The following PTBP3 variants were observed in gnomAD, a reference collection of about 807,000 sequenced individuals.
PTBP3 encodes polypyrimidine tract-binding protein 3.
Under a neutral mutation model 58.7 loss-of-function variants are expected in PTBP3, and 20 were observed. The ratio of observed to expected loss-of-function variants is 0.34; its 90% confidence interval spans 0.24 to 0.50. The LOEUF is 0.50. Among genes scored for constraint, PTBP3 ranks in the 20% least tolerant of loss-of-function variants. PTBP3 has a pLI of 0.98. For missense variants in PTBP3, 509 were observed against 637.2 expected, an observed-to-expected ratio of 0.80 and a Z score of 2.17; for synonymous variants, 185 against 219.8, an observed-to-expected ratio of 0.84 and a Z score of 1.40.
intron 5 of PTBP3, among the ~76,000 whole-genome samples, chr9:112,254,021 G>GT (rs1836244935): frequency 6.6e-6 from 1 of 152,112 alleles, no homozygotes; most frequent in South Asian, 2.1e-4. Flanking sequence ...CCCTATGCTG[G>GT]TAAGATTTTG....
intron 3 of PTBP3, among the ~76,000 whole-genome samples, chr9:112,275,161 G>T (rs1176721457): frequency 6.7e-6 from 1 of 149,776 alleles, no homozygotes; most frequent in African/African-American, 2.5e-5. Flanking sequence ...GGTGAGATGA[G>T]ATTTACTCTT....
the PTBP3 span, among the ~76,000 whole-genome samples, chr9:112,348,547 C>T: frequency 2.0e-5 from 3 of 152,280 alleles, no homozygotes; most frequent in Non-Finnish European, 1.5e-5. Context: ...TAGCAAGCCA[C>T]TGCGCATGCG....
chr9:112,260,286 C>T (rs965408067), intron 5 of PTBP3, among the ~76,000 whole-genome samples: 4 of 152,028 alleles, frequency 2.6e-5, no homozygotes, highest in Non-Finnish European at 5.9e-5. Context: ...ATATAATCCT[C>T]GCAATAAAAA....
At chr9:112,228,594 G>T in intron 10 of PTBP3, 122 bp from the exon 11 acceptor site, 1 of 564,994 alleles carries the variant, frequency 1.8e-6, no homozygotes, top group Non-Finnish European at 3.0e-6. Context: ...ACATACACCT[G>T]CAAATTTTTA....
intron 9 of PTBP3, 117 bp downstream of exon 9, chr9:112,231,962 GAGAAGAGAGAAGAGAAGAGA>G (rs1356042514): frequency 1.5e-4 from 50 of 328,092 alleles, no homozygotes; most frequent in Admixed American, 8.1e-4. Flanking sequence ...GAGAAGAGAA[GAGAAGAGAGAAGAGAAGAGA>G]AGAGAAGAGA....
the PTBP3 span, among the ~76,000 whole-genome samples, chr9:112,347,334 G>T: frequency 7.2e-6 from 1 of 138,704 alleles, no homozygotes; most frequent in East Asian, 2.0e-4. Context: ...TATATGTACT[G>T]GGATACCTTT....
At position 112,333,122 on chromosome 9, in the gene PTBP3, T is replaced by TC. The variant is rs1228354592; in HGVS notation, c.-52+347dup. 3 of 1,252,424 alleles carry TC rather than the reference T, an allele frequency of 2.4e-6. No homozygotes were observed. In the African/African-American group the frequency reaches 4.7e-5, roughly 20 times the overall value. The allele number at this position is 1,252,424 out of a possible 1,614,324, so 77.6% of individuals were successfully genotyped here. The stretch of plus-strand genomic sequence containing the variant: ...GCGCACCATTTTCTGAGAGGAAGTG[T>TC]CGGGAGGCCGAGCTGGGCTCCCCGG... On this transcript the variant is annotated intron_variant, in intron 1 of 13. Coordinates refer to ENST00000374257, the MANE Select transcript of PTBP3 (RefSeq NM_001163788.4).
rs371795240 is a variant in PTBP3 at position 112,297,924 on chromosome 9, G to A, written c.-51-8C>T. 511 of 1,605,412 alleles carry A rather than the reference G, an allele frequency of 3.2e-4. No individual in the cohort carries two copies. Among genetic ancestry groups the A allele is most frequent in the Admixed American group, 3.9e-4 (23 of 58,276 alleles). On this transcript the variant is annotated splice_region_variant and splice_polypyrimidine_tract_variant and intron_variant, in intron 1 of 13. Transcript: ENST00000374257. ...AAGCTCATCAGATCCCCGCTGAAAA[G>A]CAAAACCAATGTTTGGTTAATAAAC...
chr9:112,232,409 T>C (rs1422951333), intron 8 of PTBP3, among the ~76,000 whole-genome samples, 171 bp from the exon 9 acceptor site: 1 of 152,212 alleles, frequency 6.6e-6, no homozygotes, highest in Non-Finnish European at 1.5e-5. Flanking sequence ...GTCTGCAAGC[T>C]GAGCTCCTCA....
intron 7 of PTBP3, among the ~76,000 whole-genome samples, chr9:112,241,081 TTTTA>T (rs1308203063): frequency 1.4e-4 from 21 of 152,158 alleles, no homozygotes; most frequent in African/African-American, 4.3e-4. Flanking sequence ...GCTAAGGTTA[TTTTA>T]TTTATTTGTT....
chr9:112,306,429 C>A (rs1219690030), intron 1 of PTBP3, among the ~76,000 whole-genome samples: 1 of 141,922 alleles, frequency 7.0e-6, no homozygotes, highest in South Asian at 2.3e-4. Flanking sequence ...CAAAGTGCTG[C>A]GATTAGAGGC....
chr9:112,303,842 C>T (rs560769608), intron 1 of PTBP3, among the ~76,000 whole-genome samples: 10 of 143,266 alleles, frequency 7.0e-5, no homozygotes, highest in South Asian at 6.8e-4. Flanking sequence ...CCAGCCTGGG[C>T]GACAGAGTGA....
In PTBP3 at chr9:112,279,646, C is replaced by T. The variant is rs189409151; in HGVS notation, c.35-3633G>A. 9.5e-4 allele frequency among the ~76,000 whole-genome samples: 145 copies of T among 152,016 alleles called. 6 individuals are homozygous for T. The highest frequency in any genetic ancestry group is 8.2e-3 in the Admixed American group (126 of 15,284). On this transcript the variant is annotated intron_variant, in intron 2 of 13. Coordinates refer to ENST00000374257, the MANE Select transcript of PTBP3 (RefSeq NM_001163788.4). ...TTGCAGTTAGTCCTCCCTACCAAAC[C>T]CCCAACCCCCACCCCAGGCAATCTG...
At position 112,222,917 on chromosome 9, in the gene PTBP3, T is replaced by G; in HGVS notation, c.*934A>C. ...AAAGAAGACCTTACCAAAAATAACT[T>G]TTAAAAAATCTGTCAAACCATATGA... is the stretch of plus-strand genomic sequence containing the variant. On this transcript the variant is annotated 3_prime_UTR_variant, in exon 14 of 14. Coordinates refer to ENST00000374257, the MANE Select transcript of PTBP3 (RefSeq NM_001163788.4). 2 of 877,478 alleles carry G rather than the reference T, an allele frequency of 2.3e-6. No homozygotes were observed. Among genetic ancestry groups the G allele is most frequent in the Non-Finnish European group, 2.7e-6 (2 of 731,464 alleles). The allele number at this position is 877,478 out of a possible 1,614,324, so 54.4% of individuals were successfully genotyped here.
At chr9:112,287,335 T>TG in intron 2 of PTBP3, among the ~76,000 whole-genome samples, 1 of 8,368 alleles carries the variant, frequency 1.2e-4, no homozygotes, top group East Asian at 2.7e-3. Flanking sequence ...TCTTTTTCAG[T>TG]TTTTTGTTTT....
intron 7 of PTBP3, among the ~76,000 whole-genome samples, chr9:112,237,954 G>A (rs2027384): frequency 0.56 from 84,520 of 151,964 alleles, 25,229 homozygotes; most frequent in African/African-American, 0.79. Context: ...GGAAAATCAA[G>A]CTATAAATTT....
At chr9:112,242,755 G>A (rs928570594) in intron 7 of PTBP3, 1 of 152,118 alleles carries the variant, frequency 6.6e-6, no homozygotes, top group Non-Finnish European at 1.5e-5. Context: ...TGATCAGCAC[G>A]GAGCACTATA....
In PTBP3 at chr9:112,222,562, T is replaced by G. The variant is rs1432040064; in HGVS notation, c.*1289A>C. 1.0e-6 allele frequency: 1 copy of G among 985,522 alleles called. No individual in the cohort carries two copies. The highest frequency in any genetic ancestry group is 1.2e-6 in the Non-Finnish European group (1 of 829,840). The allele number at this position is 985,522 out of a possible 1,614,324, so 61.0% of individuals were successfully genotyped here. On this transcript the variant is annotated 3_prime_UTR_variant, in exon 14 of 14. Coordinates refer to ENST00000374257, the MANE Select transcript of PTBP3 (RefSeq NM_001163788.4). ...CACAATGTAAAGAGGCCTACAGGTG[T>G]GCACTGAATTATTCCCAAAACCATT...
chr9:112,231,912 A>AAGAAG lies in PTBP3; in HGVS notation c.1020+182_1020+186dup, dbSNP rs1391742980. Among the ~76,000 whole-genome samples, 257 of 107,338 alleles carry AAGAAG rather than the reference A, an allele frequency of 2.4e-3. 8 individuals are homozygous for AAGAAG. Among genetic ancestry groups the AAGAAG allele is most frequent in the Non-Finnish European group, 3.7e-3 (192 of 51,934 alleles). The allele number at this position is 107,338 out of a possible 152,430, so 70.4% of individuals were successfully genotyped here. A position where few individuals can be genotyped will look rare whatever the true frequency, so the allele number is the denominator to read the frequency against. ...AGAGTAAAATCCTTTCTGAAAAGAA[A>AAGAAG]AGAAGAGAAGAGAAGAGAAGAGAAG... is the stretch of plus-strand genomic sequence containing the variant. On this transcript the variant is annotated intron_variant, in intron 9 of 13. Coordinates refer to ENST00000374257, the MANE Select transcript of PTBP3 (RefSeq NM_001163788.4).
Sources: allele counts gnomAD v4.1 joint callset (sites outside exome capture counted in the v4.1 genomes callset), GRCh38; gene constraint gnomAD v4.1.1; transcripts MANE v1.5; gene names NCBI Gene and HGNC (gene_info 2026-07-23, HGNC 2026-07-21).